The following PPM1E variants were observed in gnomAD, a reference collection of about 807,000 sequenced individuals.
PPM1E encodes protein phosphatase, Mg2+/Mn2+ dependent 1E.
PPM1E carries 20 observed loss-of-function variants against 65.9 expected under a neutral mutation model. The observed-to-expected ratio is 0.30, with a 90% CI of 0.21 to 0.44. The LOEUF (loss-of-function observed/expected upper bound fraction) is 0.44. PPM1E is among the 20% of genes least tolerant of loss of function. The pLI, the probability that PPM1E is intolerant of heterozygous loss-of-function variation, is 1.00. For synonymous variants in PPM1E, 352 were observed against 374.9 expected (o/e 0.94, Z 0.70); for missense variants, 713 against 953.1 (o/e 0.75, Z 3.32).
At chr17:58,928,970 C>T (rs946636536) in intron 1 of PPM1E, among the ~76,000 whole-genome samples, 3 of 152,112 alleles carry the variant, frequency 2.0e-5, no homozygotes, top group African/African-American at 7.2e-5. Flanking sequence ...TCCCAAAGTG[C>T]AGGGATTACA....
chr17:58,797,692 T>G (rs1446357355), intron 1 of PPM1E, among the ~76,000 whole-genome samples: 1 of 152,206 alleles, frequency 6.6e-6, no homozygotes, highest in East Asian at 1.9e-4. Context: ...CGTGCAAGTC[T>G]TTTTGTGGAC....
chr17:58,871,418 C>A (rs2051068300), intron 1 of PPM1E, among the ~76,000 whole-genome samples: 1 of 152,142 alleles, frequency 6.6e-6, no homozygotes, highest in Non-Finnish European at 1.5e-5. Flanking sequence ...CCCACAAAGA[C>A]CTCGGTAGCC....
At chr17:58,798,697 CT>C (rs1033891786) in intron 1 of PPM1E, among the ~76,000 whole-genome samples, 1 of 150,568 alleles carries the variant, frequency 6.6e-6, no homozygotes, top group Non-Finnish European at 1.5e-5. Context: ...TTCTTTTCTT[CT>C]TTTTTTTTCT....
intron 1 of PPM1E, among the ~76,000 whole-genome samples, chr17:58,923,911 C>CT (rs751578623): frequency 0.01 from 656 of 64,752 alleles, 9 homozygotes; most frequent in East Asian, 0.019. Context: ...AAGACCCCCT[C>CT]TTTTTTTTTT....
chr17:58,790,248 T>G (rs1404454954), intron 1 of PPM1E, among the ~76,000 whole-genome samples: 1 of 151,986 alleles, frequency 6.6e-6, no homozygotes, highest in Non-Finnish European at 1.5e-5. Flanking sequence ...TTTTTTTGGA[T>G]AGCCAGGGTC....
At chr17:58,887,443 A>G in intron 1 of PPM1E, among the ~76,000 whole-genome samples, 1 of 152,184 alleles carries the variant, frequency 6.6e-6, no homozygotes, top group East Asian at 1.9e-4. Context: ...CTGAGATTAC[A>G]GGCGTGAGCC....
intron 1 of PPM1E, among the ~76,000 whole-genome samples, chr17:58,913,784 A>C (rs1188673620): frequency 2.0e-5 from 3 of 152,116 alleles, no homozygotes; most frequent in Non-Finnish European, 4.4e-5. Flanking sequence ...GGTCCATCAA[A>C]ATAGAGAGTC....
intron 1 of PPM1E, among the ~76,000 whole-genome samples, chr17:58,787,176 C>G (rs2050108501): frequency 6.6e-6 from 1 of 152,208 alleles, no homozygotes; most frequent in African/African-American, 2.4e-5. Flanking sequence ...AGTTTGATAA[C>G]TTGCCCAAAG....
intron 1 of PPM1E, among the ~76,000 whole-genome samples, chr17:58,845,749 T>G (rs1252541655): frequency 6.6e-6 from 1 of 152,146 alleles, no homozygotes; most frequent in African/African-American, 2.4e-5. Flanking sequence ...GGCGCGATCT[T>G]GGCTCACTGC....
At chr17:58,956,758 T>G (rs991100123) in intron 2 of PPM1E, among the ~76,000 whole-genome samples, 4 of 152,220 alleles carry the variant, frequency 2.6e-5, no homozygotes, top group African/African-American at 9.6e-5. Context: ...TCAAAATTGT[T>G]AAGAAATTTT....
At position 58,771,057 on chromosome 17, in the gene PPM1E, A is replaced by C. The variant is rs183425883; in HGVS notation, c.464+14596A>C. Among the ~76,000 whole-genome samples, 1,129 of 151,830 alleles carry C rather than the reference A, an allele frequency of 7.4e-3. 15 individuals are homozygous for C. Among genetic ancestry groups the C allele is most frequent in the African/African-American group, 0.025 (1,046 of 41,452 alleles). On this transcript the variant is annotated intron_variant, in intron 1 of 6. Coordinates refer to ENST00000308249, the MANE Select transcript of PPM1E (RefSeq NM_014906.5). ...TTTTTAGTAGAGATGGGGTTTCACC[A>C]TGTTGGCCAGGATAGTCTTTATCTC...
intron 2 of PPM1E, 127 bp downstream of exon 2, chr17:58,955,894 C>A: frequency 3.6e-6 from 4 of 1,121,010 alleles, no homozygotes; most frequent in Admixed American, 3.5e-5. Context: ...GTAGTGGTAG[C>A]AGGGGAGAAA....
intron 1 of PPM1E, among the ~76,000 whole-genome samples, chr17:58,925,344 T>C (rs2057402094): frequency 6.6e-6 from 1 of 152,210 alleles, no homozygotes; most frequent in Non-Finnish European, 1.5e-5. Flanking sequence ...TTGAGCCCTT[T>C]TTTCATACCT....
intron 1 of PPM1E, among the ~76,000 whole-genome samples, chr17:58,925,022 G>C (rs913425267): frequency 2.0e-5 from 3 of 151,978 alleles, no homozygotes; most frequent in Non-Finnish European, 4.4e-5. Context: ...ATTGTAAATA[G>C]TGCCACAATA....
intron 1 of PPM1E, among the ~76,000 whole-genome samples, chr17:58,858,252 A>G (rs973361705): frequency 7.9e-5 from 12 of 152,186 alleles, no homozygotes; most frequent in African/African-American, 2.2e-4. Flanking sequence ...CATATAATGT[A>G]TAGTGATCTT....
intron 3 of PPM1E, chr17:58,966,205 A>C (rs186225040): frequency 2.5e-6 from 1 of 404,486 alleles, no homozygotes; most frequent in Admixed American, 3.8e-5. Flanking sequence ...CTATTCTATA[A>C]ACATATAAGC....
At chr17:58,944,947 T>C (rs1179649103) in intron 1 of PPM1E, among the ~76,000 whole-genome samples, 2 of 152,240 alleles carry the variant, frequency 1.3e-5, no homozygotes, top group African/African-American at 2.4e-5. Context: ...CCACTAGGAA[T>C]GTATGAGAGT....
At chr17:58,967,445 G>A (rs2030321577) in intron 3 of PPM1E, among the ~76,000 whole-genome samples, 1 of 151,122 alleles carries the variant, frequency 6.6e-6, no homozygotes, top group East Asian at 2.0e-4. Flanking sequence ...TAAAAATGAC[G>A]AAAAGTAGGC....
chr17:58,802,700 A>C (rs2050270017), intron 1 of PPM1E, among the ~76,000 whole-genome samples: 1 of 152,018 alleles, frequency 6.6e-6, no homozygotes, highest in Non-Finnish European at 1.5e-5. Context: ...TTGTGTCTTC[A>C]ATTTTTTAAT....
Sources: gnomAD v4.1 joint callset for allele counts (sites outside exome capture counted in the v4.1 genomes callset) on GRCh38, gnomAD v4.1.1 for gene constraint, MANE v1.5 for transcripts, NCBI Gene and HGNC (gene_info 2026-07-23, HGNC 2026-07-21) for gene names.